MTMR14: variants seen among roughly 807,000 people sequenced by gnomAD.
MTMR14 encodes myotubularin related protein 14.
MTMR14 carries 48 observed loss-of-function variants against 86.3 expected under a neutral mutation model. That is an observed-to-expected ratio of 0.56 (90% CI 0.44 to 0.71). MTMR14 has a LOEUF of 0.71. MTMR14 is among the 30% of genes least tolerant of loss of function. MTMR14 has a pLI of 0.00. For missense variants in MTMR14, 780 were observed against 834.6 expected, an observed-to-expected ratio of 0.93 and a Z score of 0.81; for synonymous variants, 366 against 326.1, an observed-to-expected ratio of 1.12 and a Z score of -1.32.
intron 2 of MTMR14, among the ~76,000 whole-genome samples, chr3:9,661,554 A>T (rs2047932248): frequency 6.6e-6 from 1 of 152,088 alleles, no homozygotes; most frequent in Non-Finnish European, 1.5e-5. Context: ...AAAAATACAT[A>T]TTCAGAGTTA....
At chr3:9,698,581 T>TGGGCTGGATGCATG (rs2076354783) in intron 18 of MTMR14, among the ~76,000 whole-genome samples, 2 of 152,210 alleles carry the variant, frequency 1.3e-5, no homozygotes, top group African/African-American at 4.8e-5. Flanking sequence ...GCTGGATGAA[T>TGGGCTGGATGCATG]GGCACATGCT....
chr3:9,671,098 T>A lies in MTMR14; in HGVS notation c.605T>A (p.Leu202Gln). ...AAGGTCAGAGGCTATGACATCAAGCTGCTTCGATACCTGTCAGTCAAATAC... is the reference window on the plus strand; with the variant it reads ...AAGGTCAGAGGCTATGACATCAAGCAGCTTCGATACCTGTCAGTCAAATAC... ...FDKVRGYDIK[L>Q]LRYLSVKYIC... Residue 202 changes from leucine to glutamine, a missense_variant, in exon 6 of 19, where the codon CTG becomes CAG. Leu to Gln is a moderately radical substitution (Grantham distance 113, BLOSUM62 -2). Transcript: ENST00000296003. The A allele has an allele frequency of 6.2e-7, 1 of 1,614,190 alleles. No individual in the cohort carries two copies. Among genetic ancestry groups the A allele is most frequent in the South Asian group, 1.1e-5 (1 of 91,072 alleles).
intron 2 of MTMR14, among the ~76,000 whole-genome samples, chr3:9,656,992 G>A (rs552284715): frequency 1.3e-5 from 2 of 151,672 alleles, no homozygotes; most frequent in East Asian, 2.0e-4. Flanking sequence ...GGCTTGCTGC[G>A]GCCTTGATCC....
At chr3:9,680,662 A>T (rs530050940) in intron 9 of MTMR14, among the ~76,000 whole-genome samples, 4 of 152,104 alleles carry the variant, frequency 2.6e-5, no homozygotes, top group East Asian at 1.9e-4. Context: ...TGGCTAACAC[A>T]GTGAAACCCA....
At chr3:9,687,669 A>G in intron 13 of MTMR14, 152 bp from the exon 14 acceptor site, 3 of 699,420 alleles carry the variant, frequency 4.3e-6, no homozygotes, top group Non-Finnish European at 7.7e-6. Flanking sequence ...CCTCTGTACC[A>G]CCCACACCAT....
At chr3:9,657,138 A>C (rs2124990443) in intron 2 of MTMR14, among the ~76,000 whole-genome samples, 1 of 151,888 alleles carries the variant, frequency 6.6e-6, no homozygotes, top group Admixed American at 6.6e-5. Flanking sequence ...GGGTCTCCTG[A>C]GCTCAACAGA....
chr3:9,675,446 G>C (rs2048804956), intron 7 of MTMR14: 1 of 369,916 alleles, frequency 2.7e-6, no homozygotes, highest in Admixed American at 3.0e-5. Context: ...TGATGACTTT[G>C]AGGCTCATAC....
chr3:9,667,583 G>A (rs1253389696), intron 3 of MTMR14, among the ~76,000 whole-genome samples: 1 of 152,082 alleles, frequency 6.6e-6, no homozygotes, highest in Non-Finnish European at 1.5e-5. Context: ...TTCCTCAGTA[G>A]GCTTCCAGGA....
chr3:9,695,517 T>C (rs894647925), intron 17 of MTMR14, among the ~76,000 whole-genome samples: 6 of 152,180 alleles, frequency 3.9e-5, no homozygotes, highest in Non-Finnish European at 8.8e-5. Flanking sequence ...TCTTGGCCGG[T>C]GTTACCTACT....
chr3:9,683,587 C>T (rs1212141957), intron 10 of MTMR14: 1 of 314,792 alleles, frequency 3.2e-6, no homozygotes, highest in Non-Finnish European at 6.2e-6. Flanking sequence ...GAGAATCAAT[C>T]CGGGCTGCTC....
intron 17 of MTMR14, among the ~76,000 whole-genome samples, chr3:9,696,967 GAGTGGGGAGGAGGTGGA>G (rs2076300186): frequency 6.6e-6 from 1 of 152,136 alleles, no homozygotes; most frequent in African/African-American, 2.4e-5. Flanking sequence ...GGTTGGCTGT[GAGTGGGGAGGAGGTGGA>G]AGCGGTAGAT....
intron 18 of MTMR14, among the ~76,000 whole-genome samples, chr3:9,699,062 C>T (rs369479181): frequency 1.8e-4 from 28 of 151,726 alleles, no homozygotes; most frequent in Admixed American, 1.4e-3. Context: ...ATCCCAGCTA[C>T]TCGGGAGGCT....
rs1039219875 is a variant in MTMR14 at position 9,689,885 on chromosome 3, G to A, written c.1434-79G>A. ...TTTTCCCAGTGGAAGTAAAGCCTAG[G>A]CCTGAAATTCAGTGAGGGTGGGCAG... On this transcript the variant is annotated intron_variant, in intron 16 of 18. Coordinates refer to ENST00000296003, the MANE Select transcript of MTMR14 (RefSeq NM_001077525.3). 2.2e-6 allele frequency: 3 copies of A among 1,393,926 alleles called. No individual in the cohort carries two copies. The East Asian group carries it at 7.4e-5, about 34-fold the overall frequency. 86.3% of individuals were successfully genotyped at this position (1,393,926 alleles called of 1,614,324 possible). A position where few individuals can be genotyped will look rare whatever the true frequency, so the allele number is the denominator to read the frequency against.
rs550464125 is a variant in MTMR14 at position 9,677,374 on chromosome 3, T to G, written c.809T>G (p.Phe270Cys). 6.2e-7 allele frequency: 1 copy of G among 1,613,998 alleles called. No individual in the cohort carries two copies. The highest frequency in any genetic ancestry group is 1.1e-5 in the South Asian group (1 of 91,088). ...GATTACATGGCAGAAGGGCTCATAT[T>G]TAACTGGAAGCAGGTATGAGCAATA... ...DRDYMAEGLI[F>C]NWKQDYVDAP... Residue 270 changes from phenylalanine to cysteine, a missense_variant, in exon 8 of 19, where the codon TTT becomes TGT. Coordinates refer to ENST00000296003, the MANE Select transcript of MTMR14 (RefSeq NM_001077525.3). This position sits in a 1 kb window ranked among gnomAD's most constrained non-coding sequence, Gnocchi z 4.2.
intron 16 of MTMR14, among the ~76,000 whole-genome samples, chr3:9,689,325 T>C (rs1362115704): frequency 6.6e-6 from 1 of 152,150 alleles, no homozygotes; most frequent in Non-Finnish European, 1.5e-5. Flanking sequence ...GAGAAGCAGC[T>C]GGGCAGGGTA....
In MTMR14 at chr3:9,677,437, G is replaced by T. The variant is rs879000105; in HGVS notation, c.822+50G>T. 6.6e-7 allele frequency: 1 copy of T among 1,520,046 alleles called. No homozygotes were observed. The highest frequency in any genetic ancestry group is 1.1e-5 in the South Asian group (1 of 89,120). The allele number at this position is 1,520,046 out of a possible 1,614,324, so 94.2% of individuals were successfully genotyped here. ...TTGGATCTATGTCTCTTTGTAAAGG[G>T]AGGCCAAGGAGAACAACAAGCAGTC... On this transcript the variant is annotated intron_variant, in intron 8 of 18. Transcript: ENST00000296003. The surrounding 1 kb of genome is among the most constrained non-coding windows in gnomAD (Gnocchi z 4.2).
intron 10 of MTMR14, among the ~76,000 whole-genome samples, chr3:9,684,043 C>T (rs1053561161): frequency 6.6e-6 from 1 of 152,268 alleles, no homozygotes; most frequent in Middle Eastern, 3.4e-3. Context: ...GCATGCCAGC[C>T]CCTGGAGCCA....
intron 9 of MTMR14, among the ~76,000 whole-genome samples, chr3:9,679,069 A>T (rs1466950432): frequency 2.0e-5 from 3 of 152,186 alleles, no homozygotes; most frequent in African/African-American, 7.2e-5. Context: ...GTGCTCCTAG[A>T]TCACCAATGT....
chr3:9,664,660 C>A (rs371919112), intron 3 of MTMR14, among the ~76,000 whole-genome samples: 5 of 152,104 alleles, frequency 3.3e-5, no homozygotes, highest in African/African-American at 1.2e-4. Context: ...AAAAGACAAA[C>A]TTCACATGTT....
Sources: allele counts gnomAD v4.1 joint callset (sites outside exome capture counted in the v4.1 genomes callset), GRCh38; gene constraint gnomAD v4.1.1; non-coding constraint Gnocchi (gnomAD v3.1); transcripts MANE v1.5; gene names NCBI Gene and HGNC (gene_info 2026-07-23, HGNC 2026-07-21).